Variants in CHRNA7 observed in about 807,000 individuals in gnomAD.
CHRNA7 encodes the protein neuronal acetylcholine receptor subunit alpha-7.
Under a neutral mutation model 48.0 loss-of-function variants are expected in CHRNA7, and 17 were observed. That is an observed-to-expected ratio of 0.35 (90% confidence interval 0.24 to 0.53). The LOEUF (loss-of-function observed/expected upper bound fraction) is 0.53, where lower values mean the gene tolerates loss of function less well. Among genes scored for constraint, CHRNA7 ranks in the 20% least tolerant of loss-of-function variants. CHRNA7 has a pLI of 0.92. For missense variants in CHRNA7, 155 were observed against 577.7 expected, an observed-to-expected ratio of 0.27 and a Z score of 7.50; for synonymous variants, 75 against 242.3, an observed-to-expected ratio of 0.31 and a Z score of 6.41.
chr15:32,132,663 G>C lies in CHRNA7; in HGVS notation c.350+20764G>C, dbSNP rs74011118. ...TGTCCTTACATGGCAGAGAGAAAGA[G>C]AGAGGGAGTGGGAGAGGGAGAGAGA... On this transcript the variant is annotated intron_variant, in intron 4 of 9. Transcript: ENST00000306901. Among the ~76,000 whole-genome samples, 502 of 152,272 alleles carry C rather than the reference G, an allele frequency of 3.3e-3. 2 individuals carry two copies. Among genetic ancestry groups the C allele is most frequent in the African/African-American group, 0.012 (483 of 41,542 alleles).
rs551934576 is a variant in CHRNA7 at position 32,077,497 on chromosome 15, A to T, written c.196-23806A>T. ...TTCTGGATTGTGGCCATTTCAATAA[A>T]TGTGTAGTGGTATCTCATTGTTGTT... On this transcript the variant is annotated intron_variant, in intron 2 of 9. Transcript: ENST00000306901. Among the ~76,000 whole-genome samples the T allele has an allele frequency of 2.0e-5, 3 of 152,262 alleles. No homozygotes were observed. In the South Asian group the frequency reaches 6.2e-4, roughly 32 times the overall value.
At chr15:32,128,533 G>T (rs2051106401) in intron 4 of CHRNA7, among the ~76,000 whole-genome samples, 1 of 151,786 alleles carries the variant, frequency 6.6e-6, no homozygotes, top group Non-Finnish European at 1.5e-5. Flanking sequence ...TTGACCAGTT[G>T]TAAATGATAC....
chr15:32,061,221 C>T (rs1397276556), intron 2 of CHRNA7, among the ~76,000 whole-genome samples: 1 of 152,156 alleles, frequency 6.6e-6, no homozygotes, highest in African/African-American at 2.4e-5. Flanking sequence ...CAGGAAACCC[C>T]TTCACTTAAG....
intron 4 of CHRNA7, among the ~76,000 whole-genome samples, chr15:32,139,640 C>T (rs1430546889): frequency 2.0e-5 from 3 of 150,600 alleles, no homozygotes; most frequent in Admixed American, 1.3e-4. Flanking sequence ...CTATGTGCTT[C>T]TTTGCCATCT....
intron 2 of CHRNA7, among the ~76,000 whole-genome samples, chr15:32,054,926 A>G (rs1595392378): frequency 1.3e-5 from 2 of 152,240 alleles, no homozygotes; most frequent in Non-Finnish European, 2.9e-5. Context: ...TGGCGGGGCC[A>G]TAGGGCAGCG....
In CHRNA7 at chr15:32,150,727, C is replaced by T. The variant is rs147943079; in HGVS notation, c.351-3180C>T. The stretch of plus-strand genomic sequence containing the variant: ...GTAAATATTTCCAGAAACCTTGAGG[C>T]GCCTCCATAGGGTCTCAGGGCTCCA... On this transcript the variant is annotated intron_variant, in intron 4 of 9. Coordinates refer to ENST00000306901, the MANE Select transcript of CHRNA7 (RefSeq NM_000746.6). Among the ~76,000 whole-genome samples the T allele has an allele frequency of 7.5e-3, 1,147 of 152,166 alleles. 15 individuals carry two copies. The highest frequency in any genetic ancestry group is 0.025 in the African/African-American group (1,052 of 41,494).
At position 32,098,180 on chromosome 15, in the gene CHRNA7, G is replaced by A. The variant is rs368875332; in HGVS notation, c.196-3123G>A. 4.0e-5 allele frequency among the ~76,000 whole-genome samples: 6 copies of A among 151,112 alleles called. No homozygotes were observed. In the East Asian group the frequency reaches 5.9e-4, roughly 15 times the overall value. ...CCGAGGCAAGGAAGTTGAGTGCAGA[G>A]CTGAAGTCCTCCCCCAGGTCCTCTG... On this transcript the variant is annotated intron_variant, in intron 2 of 9. Transcript: ENST00000306901.
intron 4 of CHRNA7, among the ~76,000 whole-genome samples, chr15:32,122,961 A>G (rs965479503): frequency 1.3e-5 from 2 of 152,148 alleles, no homozygotes; most frequent in Non-Finnish European, 2.9e-5. Flanking sequence ...TTGAAGGGCA[A>G]TTATTTTTAA....
chr15:32,167,833 T>A, intron 9 of CHRNA7, 107 bp from the exon 10 acceptor site: 1 of 794,484 alleles, frequency 1.3e-6, no homozygotes, highest in South Asian at 2.4e-5. Context: ...TGGAGGCTGC[T>A]ACCCCCAGGA....
intron 2 of CHRNA7, among the ~76,000 whole-genome samples, chr15:32,067,992 A>C (rs2049992990): frequency 6.6e-6 from 1 of 152,186 alleles, no homozygotes; most frequent in Non-Finnish European, 1.5e-5. Flanking sequence ...GGCATGTAGA[A>C]AATCATAAAA....
rs141681028 is a variant in CHRNA7, at chr15:32,080,828, A to T, written c.196-20475A>T. On this transcript the variant is annotated intron_variant, in intron 2 of 9. Transcript: ENST00000306901. Reference sequence around the variant, plus strand: ...AAAGGAATATAAATCATTCTATTACAAAGATACATGCATGTGTATGTTCAT... The same window carrying T: ...AAAGGAATATAAATCATTCTATTACTAAGATACATGCATGTGTATGTTCAT... 3.5e-3 allele frequency among the ~76,000 whole-genome samples: 538 copies of T among 152,350 alleles called. 3 individuals are homozygous for T. Among genetic ancestry groups the T allele is most frequent in the African/African-American group, 0.012 (506 of 41,580 alleles).
chr15:32,050,439 G>T (rs8032704), intron 2 of CHRNA7, among the ~76,000 whole-genome samples: 1 of 151,930 alleles, frequency 6.6e-6, no homozygotes, highest in Non-Finnish European at 1.5e-5. Flanking sequence ...TGATCGCATC[G>T]GCTCCTGAGG....
intron 4 of CHRNA7, among the ~76,000 whole-genome samples, chr15:32,133,823 G>T (rs768747453): frequency 1.3e-5 from 2 of 152,128 alleles, no homozygotes; most frequent in Non-Finnish European, 2.9e-5. Flanking sequence ...TGGCAGAATG[G>T]AGTGCAGGGC....
intron 2 of CHRNA7, among the ~76,000 whole-genome samples, chr15:32,071,301 A>G (rs894166764): frequency 6.6e-6 from 1 of 152,186 alleles, no homozygotes; most frequent in Admixed American, 6.5e-5. Flanking sequence ...TCGTATGTAT[A>G]TCAACAAATA....
intron 2 of CHRNA7, among the ~76,000 whole-genome samples, chr15:32,033,080 A>C (rs1901920747): frequency 6.6e-6 from 1 of 152,176 alleles, no homozygotes; most frequent in Non-Finnish European, 1.5e-5. Context: ...GGCTGTCAGC[A>C]GCCAGAGGTC....
intron 4 of CHRNA7, among the ~76,000 whole-genome samples, chr15:32,142,355 C>T (rs2051397654): frequency 6.6e-6 from 1 of 152,294 alleles, no homozygotes; most frequent in Non-Finnish European, 1.5e-5. Context: ...CATCAATGCT[C>T]CTCAGGGATA....
rs530635337 is a variant in CHRNA7, at chr15:32,049,405, C to T, written c.195+18368C>T. 1.7e-3 allele frequency among the ~76,000 whole-genome samples: 262 copies of T among 152,126 alleles called. 1 individual carries two copies. Among genetic ancestry groups the T allele is most frequent in the African/African-American group, 6.1e-3 (254 of 41,468 alleles). On this transcript the variant is annotated intron_variant, in intron 2 of 9. Coordinates refer to ENST00000306901, the MANE Select transcript of CHRNA7 (RefSeq NM_000746.6). ...GATCCCTTTACCATTATGTAATGGC[C>T]TTCTTTGTCTCTTTTGATCTTTGTT...
At chr15:32,087,798 A>G (rs1250225280) in intron 2 of CHRNA7, among the ~76,000 whole-genome samples, 1 of 152,232 alleles carries the variant, frequency 6.6e-6, no homozygotes, top group Non-Finnish European at 1.5e-5. Context: ...GCTGATACAC[A>G]GTTCCTTGCA....
intron 9 of CHRNA7, chr15:32,163,628 A>G: frequency 2.0e-5 from 2 of 101,612 alleles, no homozygotes; most frequent in Non-Finnish European, 4.1e-5. Context: ...TTTTTTTTGT[A>G]TTTTTAGTAG....
Sources: allele counts gnomAD v4.1 joint callset (sites outside exome capture counted in the v4.1 genomes callset), GRCh38; gene constraint gnomAD v4.1.1; transcripts MANE v1.5; gene names NCBI Gene and HGNC (gene_info 2026-07-23, HGNC 2026-07-21).